Variants in WDR73 observed in about 807,000 individuals in gnomAD.
WDR73 encodes WD repeat domain 73.
WDR73 carries 30 observed loss-of-function variants against 38.2 expected under a neutral mutation model. The observed-to-expected ratio is 0.79, with a 90% confidence interval of 0.59 to 1.06. The LOEUF (loss-of-function observed/expected upper bound fraction) is 1.06. Ranked by LOEUF, WDR73 falls within the 50% of genes least tolerant of loss-of-function variation. The pLI is 0.00. For missense variants in WDR73, 487 were observed against 467.0 expected (o/e 1.04, Z -0.40); for synonymous variants, 197 against 176.0 (o/e 1.12, Z -0.94).
chr15:84,653,899 C>T (rs1896705214), intron 1 of WDR73, 200 bp from the exon 2 acceptor site: 6 of 612,476 alleles, frequency 9.8e-6, no homozygotes, highest in Non-Finnish European at 2.9e-6. Flanking sequence ...CATGTGTGGA[C>T]GTCCCAGGGT....
intron 5 of WDR73, 152 bp downstream of exon 5, chr15:84,647,738 C>A (rs1896506962): frequency 1.4e-6 from 1 of 704,732 alleles, no homozygotes; most frequent in Non-Finnish European, 2.5e-6. Context: ...TTCAAGTGAT[C>A]CACCCAGCTC....
chr15:84,653,149 A>C (rs1166612124), intron 2 of WDR73: 1 of 210,276 alleles, frequency 4.8e-6, no homozygotes, highest in African/African-American at 2.3e-5. Context: ...CCTGGGATCA[A>C]GCAATCTGCC....
In WDR73 at chr15:84,643,258, G is replaced by A. The variant is rs748894630; in HGVS notation, c.*212C>T. 21 of 594,938 alleles carry A rather than the reference G, an allele frequency of 3.5e-5. No homozygotes were observed. Among genetic ancestry groups the A allele is most frequent in the Non-Finnish European group, 5.8e-5 (20 of 343,130 alleles). The allele number at this position is 594,938 out of a possible 1,614,324, so 36.9% of individuals were successfully genotyped here. A position where few individuals can be genotyped will look rare whatever the true frequency, so the allele number is the denominator to read the frequency against. On this transcript the variant is annotated 3_prime_UTR_variant, in exon 8 of 8. Coordinates refer to ENST00000434634, the MANE Select transcript of WDR73 (RefSeq NM_032856.5). ...TAGCTACCAAGTAATTATGCCATGC[G>A]TTTCTTCTAACCTTCGCAATATCAC... is the stretch of plus-strand genomic sequence containing the variant.
intron 3 of WDR73, among the ~76,000 whole-genome samples, chr15:84,650,580 C>T (rs985258073): frequency 6.6e-5 from 10 of 152,020 alleles, no homozygotes; most frequent in African/African-American, 1.9e-4. Context: ...AGACTGGTCT[C>T]GAACTCCTGA....
rs11630487 is a variant in WDR73, at chr15:84,643,872, C to T, written c.884-149G>A. ...CCTCAAGCGATCCTCCCATCTCAGC[C>T]TCCCAAAATGCTGGGATTACAGGCA... On this transcript the variant is annotated intron_variant, in intron 7 of 7. Coordinates refer to ENST00000434634, the MANE Select transcript of WDR73 (RefSeq NM_032856.5). The T allele has an allele frequency of 0.24, 229,588 of 949,406 alleles. 30,476 individuals are homozygous for T. Among genetic ancestry groups the T allele is most frequent in the Middle Eastern group, 0.37 (1,094 of 2,928 alleles). 58.8% of individuals were successfully genotyped at this position (949,406 alleles called of 1,614,324 possible). A position where few individuals can be genotyped will look rare whatever the true frequency, so the allele number is the denominator to read the frequency against.
At chr15:84,645,131 T>TA in intron 7 of WDR73, 5 of 1,040,818 alleles carry the variant, frequency 4.8e-6, no homozygotes, top group Non-Finnish European at 6.0e-6. Flanking sequence ...TTTGTATTTT[T>TA]AGTAGGGACG....
intron 7 of WDR73, chr15:84,643,942 A>T: frequency 2.1e-6 from 1 of 481,650 alleles, no homozygotes; most frequent in Non-Finnish European, 3.5e-6. Context: ...ATGGTACCAA[A>T]ACAGGCTATT....
At chr15:84,648,997 G>C (rs958792616) in intron 3 of WDR73, among the ~76,000 whole-genome samples, 1 of 152,148 alleles carries the variant, frequency 6.6e-6, no homozygotes, top group Non-Finnish European at 1.5e-5. Context: ...TTCCTCTAAC[G>C]ATAAAAATTA....
In WDR73 at chr15:84,645,484, G is replaced by A; in HGVS notation, c.870C>T (p.Cys290=). 2 of 1,612,178 alleles carry A rather than the reference G, an allele frequency of 1.2e-6. No individual in the cohort carries two copies. Among genetic ancestry groups the A allele is most frequent in the South Asian group, 2.2e-5 (2 of 90,704 alleles). ...GCTCGGCAGTACCTGAGATGGCCAAGCAATTCTTCAGGCCTGGGGCCCAAG... is the reference window on the plus strand; with the variant it reads ...GCTCGGCAGTACCTGAGATGGCCAAACAATTCTTCAGGCCTGGGGCCCAAG... The part of the protein sequence containing the change: ...RVTWAPGLKN[C]LAISGFDGTV... The change falls in exon 7 of 8, where the codon TGC becomes TGT. Residue 290 remains cysteine, a synonymous_variant. Coordinates refer to ENST00000434634, the MANE Select transcript of WDR73 (RefSeq NM_032856.5).
chr15:84,646,408 G>A, intron 5 of WDR73, 60 bp from the exon 6 acceptor site: 1 of 1,556,552 alleles, frequency 6.4e-7, no homozygotes, highest in Non-Finnish European at 8.7e-7. Flanking sequence ...AACATGACAG[G>A]CTGCCAGCTG....
At chr15:84,652,970 G>A (rs1896670802) in intron 2 of WDR73, 168 bp from the exon 3 acceptor site, 2 of 518,520 alleles carry the variant, frequency 3.9e-6, no homozygotes, top group Non-Finnish European at 7.0e-6. Context: ...CCAGGCTGGA[G>A]TGCAGTGGTC....
chr15:84,648,416 C>G (rs553368911), intron 4 of WDR73, 121 bp downstream of exon 4: 8 of 721,414 alleles, frequency 1.1e-5, no homozygotes, highest in Admixed American at 2.1e-5. Context: ...CACTTGTGCA[C>G]TCACATGTGC....
At position 84,643,574 on chromosome 15, in the gene WDR73, T is replaced by C. The variant is rs763100101; in HGVS notation, c.1033A>G (p.Thr345Ala). 2 of 1,612,000 alleles carry C rather than the reference T, an allele frequency of 1.2e-6. No homozygotes were observed. The highest frequency in any genetic ancestry group is 1.7e-6 in the Non-Finnish European group (2 of 1,179,146). The change falls in exon 8 of 8, where the codon ACC (threonine) becomes GCC (alanine). Residue 345 changes from threonine to alanine, a missense_variant. Coordinates refer to ENST00000434634, the MANE Select transcript of WDR73 (RefSeq NM_032856.5). ...CTGCAGGGATGCCAGGTGTGGGTGG[T>C]GACCAAAGGAGCAGGGTCCATCCCA... ...GNGMDPAPLV[T>A]THTWHPCRPR... is the part of the protein sequence containing the mutation.
chr15:84,643,479 G>C lies in WDR73; in HGVS notation c.1128C>G (p.Ala376=). ...LHVWDWVDLC[A]PR is the part of the protein sequence containing the mutation. ...TGGAAAGATGCTGGTGTCAGCGGGG[G>C]GCACAAAGGTCCACCCAGTCCCACA... Residue 376 remains alanine (A), a synonymous_variant, in exon 8 of 8, where the codon GCC becomes GCG. Coordinates refer to ENST00000434634, the MANE Select transcript of WDR73 (RefSeq NM_032856.5). The C allele has an allele frequency of 1.9e-6, 3 of 1,556,008 alleles. No homozygotes were observed. The highest frequency in any genetic ancestry group is 1.2e-5 in the South Asian group (1 of 84,416).
intron 3 of WDR73, 84 bp downstream of exon 3, chr15:84,652,630 A>G (rs1172882527): frequency 2.4e-6 from 2 of 817,766 alleles, no homozygotes; most frequent in Admixed American, 3.0e-5. Context: ...TATCCAGGAC[A>G]ATACCTGGTA....
chr15:84,653,947 G>T (rs572633265), intron 1 of WDR73: 3 of 604,198 alleles, frequency 5.0e-6, no homozygotes, highest in Non-Finnish European at 8.8e-6. Context: ...GAATCAATGA[G>T]ATCATCTGTG....
rs1896548072 is a variant in WDR73, at chr15:84,649,138, C to T, written c.199-513G>A. On this transcript the variant is annotated intron_variant, in intron 3 of 7. Transcript: ENST00000434634. ...TTCTACAAATGACACAACTAAGGCA[C>T]AAGGAGCTTCAGCCACTTATATAAG... 2.0e-5 allele frequency among the ~76,000 whole-genome samples: 3 copies of T among 152,190 alleles called. No individual in the cohort carries two copies. The South Asian group carries it at 6.2e-4, about 31-fold the overall frequency.
rs1422771317 is a variant in WDR73 at position 84,647,070 on chromosome 15, T to C, written c.353-722A>G. On this transcript the variant is annotated intron_variant, in intron 5 of 7. Transcript: ENST00000434634. The stretch of plus-strand genomic sequence containing the variant: ...CTCATGCCCAGCTAATTTTTTTGTA[T>C]TTTTAGTAGAGACGGGGTTTCGCCA... 6 of 152,420 alleles carry C rather than the reference T, an allele frequency of 3.9e-5. No individual in the cohort carries two copies. The East Asian group carries it at 1.2e-3, about 29-fold the overall frequency. The allele number at this position is 152,420 out of a possible 1,614,324, so 9.4% of individuals were successfully genotyped here. A position where few individuals can be genotyped will look rare whatever the true frequency, so the allele number is the denominator to read the frequency against.
chr15:84,653,263 G>A (rs1896680184), intron 2 of WDR73: 1 of 236,612 alleles, frequency 4.2e-6, no homozygotes, highest in Admixed American at 5.2e-5. Context: ...CACCTCCTGG[G>A]TTCAAGTGAT....
Sources: gnomAD v4.1 joint callset for allele counts (sites outside exome capture counted in the v4.1 genomes callset) on GRCh38, gnomAD v4.1.1 for gene constraint, MANE v1.5 for transcripts, NCBI Gene and HGNC (gene_info 2026-07-23, HGNC 2026-07-21) for gene names.